Variants in DPP6 observed in about 807,000 individuals in gnomAD.
DPP6 encodes the protein A-type potassium channel modulatory protein DPP6.
In DPP6, 69 loss-of-function variants were observed where a neutral mutation model predicts 122.6. That is an observed-to-expected ratio of 0.56 (90% CI 0.46 to 0.69). The LOEUF (loss-of-function observed/expected upper bound fraction) is 0.69, where lower values mean the gene tolerates loss of function less well. DPP6 is among the 30% of genes least tolerant of loss of function. The probability of loss-of-function intolerance (pLI) is 0.00; values close to 1 mark genes in which losing one functional copy is unlikely to be tolerated. For synonymous variants in DPP6, 418 were observed against 433.1 expected (o/e 0.97, Z 0.43); for missense variants, 928 against 1,116.9 (o/e 0.83, Z 2.41).
chr7:154,666,095 T>G (rs1480049696), intron 6 of DPP6, among the ~76,000 whole-genome samples: 3 of 151,696 alleles, frequency 2.0e-5, no homozygotes, highest in African/African-American at 7.3e-5. Flanking sequence ...ATTTCCTTTT[T>G]CACAAAAGAC....
chr7:154,586,914 C>T (rs1381989424), intron 5 of DPP6, among the ~76,000 whole-genome samples: 1 of 152,244 alleles, frequency 6.6e-6, no homozygotes, highest in African/African-American at 2.4e-5. Context: ...TGAGCAGGAA[C>T]TGCTCCTTAC....
rs565442717 is a variant in DPP6 at position 153,944,787 on chromosome 7, C to T, written c.51+57053C>T. The stretch of plus-strand genomic sequence containing the variant: ...CTGGGATTACAGGCACACACCACCA[C>T]GCCTGGCTAATTTTTGTATTTTTAG... On this transcript the variant is annotated intron_variant, in intron 1 of 25. Coordinates refer to the DPP6 transcript ENST00000404039. Among the ~76,000 whole-genome samples, 19 of 151,294 alleles carry T rather than the reference C, an allele frequency of 1.3e-4. No individual in the cohort carries two copies. The East Asian group carries it at 3.3e-3, about 27-fold the overall frequency.
At chr7:153,897,068 A>T (rs998895989) in intron 1 of DPP6, among the ~76,000 whole-genome samples, 1 of 152,212 alleles carries the variant, frequency 6.6e-6, no homozygotes, top group Admixed American at 6.5e-5. Context: ...GAACTTACAC[A>T]GCTTCCAAAA....
chr7:154,676,194 C>T (rs899381306), intron 7 of DPP6, among the ~76,000 whole-genome samples: 5 of 150,784 alleles, frequency 3.3e-5, no homozygotes, highest in East Asian at 4.0e-4. Flanking sequence ...AGCCTTGCAG[C>T]GTGCTGTCTG....
intron 1 of DPP6, among the ~76,000 whole-genome samples, chr7:154,086,502 C>A (rs1362237974): frequency 6.7e-6 from 1 of 149,178 alleles, no homozygotes; most frequent in South Asian, 2.2e-4. Flanking sequence ...CTTTCTCATT[C>A]TGTTCCATCT....
intron 16 of DPP6, among the ~76,000 whole-genome samples, chr7:154,834,895 G>T (rs577019391): frequency 1.8e-4 from 27 of 152,326 alleles, no homozygotes; most frequent in African/African-American, 6.0e-4. Flanking sequence ...GCCCTGCAAA[G>T]GTTTGTTGTG....
intron 1 of DPP6, among the ~76,000 whole-genome samples, chr7:154,442,255 C>T (rs1258819916): frequency 6.6e-6 from 1 of 152,038 alleles, no homozygotes. Flanking sequence ...TAGTTTGCCC[C>T]CCTGGTAATG....
At chr7:154,891,571 C>T (rs1341621115) in intron 25 of DPP6, among the ~76,000 whole-genome samples, 1 of 152,128 alleles carries the variant, frequency 6.6e-6, no homozygotes, top group African/African-American at 2.4e-5. Context: ...CGTGGGCACC[C>T]AGGACAGCAC....
At chr7:154,615,727 AC>A (rs150489285) in intron 5 of DPP6, among the ~76,000 whole-genome samples, 60,571 of 148,212 alleles carry the variant, frequency 0.41, 13,408 homozygotes, top group East Asian at 0.64. Context: ...TATACACAAA[AC>A]TTTTTCATCA....
At chr7:154,559,958 G>GAT (rs566971783) in intron 4 of DPP6, among the ~76,000 whole-genome samples, 1,491 of 118,036 alleles carry the variant, frequency 0.013, 24 homozygotes, top group African/African-American at 0.043. Flanking sequence ...ATATATATAA[G>GAT]ATATATATAA....
chr7:154,833,219 C>A lies in DPP6; in HGVS notation c.1667-20561C>A, dbSNP rs186135610. On this transcript the variant is annotated intron_variant, in intron 16 of 25. Coordinates refer to ENST00000377770, the MANE Select transcript of DPP6 (RefSeq NM_130797.4). The surrounding 1 kb of genome is among the most constrained non-coding windows in gnomAD (Gnocchi z 4.3). Reference sequence around the variant, plus strand: ...TGCAGAAGAGTGAGGGTCCCGGGGTCCCAGTGCCCTGCCAGCATATTGTCG... The same window carrying A: ...TGCAGAAGAGTGAGGGTCCCGGGGTACCAGTGCCCTGCCAGCATATTGTCG... Among the ~76,000 whole-genome samples, 3 of 152,226 alleles carry A rather than the reference C, an allele frequency of 2.0e-5. No individual in the cohort carries two copies. Among genetic ancestry groups the A allele is most frequent in the Non-Finnish European group, 4.4e-5 (3 of 68,008 alleles).
At chr7:154,666,194 T>TACACAC (rs55773435) in intron 6 of DPP6, among the ~76,000 whole-genome samples, 74 of 119,038 alleles carry the variant, frequency 6.2e-4, no homozygotes, top group East Asian at 3.7e-3. Flanking sequence ...TATATATATA[T>TACACAC]ATATATACAC....
the DPP6 span, among the ~76,000 whole-genome samples, chr7:153,810,262 T>G: frequency 2.6e-5 from 4 of 152,278 alleles, no homozygotes; most frequent in South Asian, 6.2e-4. Context: ...TGTTGACACA[T>G]GACTCATAGG....
intron 1 of DPP6, among the ~76,000 whole-genome samples, chr7:154,171,882 A>C (rs966324643): frequency 6.6e-6 from 1 of 152,196 alleles, no homozygotes; most frequent in Non-Finnish European, 1.5e-5. Flanking sequence ...TCCTGATTGC[A>C]GAGTCTCCAA....
chr7:154,589,021 GA>G (rs1832647387), intron 5 of DPP6, among the ~76,000 whole-genome samples: 1 of 152,122 alleles, frequency 6.6e-6, no homozygotes, highest in Non-Finnish European at 1.5e-5. Context: ...TTTATCTTGT[GA>G]TTTCATTGAG....
intron 11 of DPP6, among the ~76,000 whole-genome samples, chr7:154,795,222 G>A (rs1318655346): frequency 6.6e-6 from 1 of 152,186 alleles, no homozygotes; most frequent in African/African-American, 2.4e-5. Context: ...CATGACAGAG[G>A]CCTGCTCCAG....
At chr7:154,575,771 G>A (rs1198106324) in intron 5 of DPP6, among the ~76,000 whole-genome samples, 1 of 150,296 alleles carries the variant, frequency 6.7e-6, no homozygotes, top group Admixed American at 6.6e-5. Context: ...TGTGTGGTGT[G>A]TGTATGTATG....
chr7:154,142,267 C>T (rs942292095), intron 1 of DPP6, among the ~76,000 whole-genome samples: 6 of 152,008 alleles, frequency 3.9e-5, no homozygotes, highest in African/African-American at 1.2e-4. Flanking sequence ...ATTAACACAA[C>T]GTGCCAAATA....
At chr7:154,626,599 G>A (rs76219628) in intron 5 of DPP6, among the ~76,000 whole-genome samples, 3,953 of 152,284 alleles carry the variant, frequency 0.026, 92 homozygotes, top group Non-Finnish European at 0.039. Context: ...AGTAGAAGTC[G>A]TTTGAGATAC....
Sources: gnomAD v4.1 joint callset for allele counts (sites outside exome capture counted in the v4.1 genomes callset) on GRCh38, gnomAD v4.1.1 for gene constraint, Gnocchi (gnomAD v3.1) non-coding constraint, MANE v1.5 for transcripts, NCBI Gene and HGNC (gene_info 2026-07-23, HGNC 2026-07-21) for gene names.